The following HTR1E variants were observed in gnomAD, a reference collection of about 807,000 sequenced individuals.
The protein encoded by HTR1E is 5-hydroxytryptamine receptor 1E, also known as 5-HT-1E.
HTR1E carries 3 observed loss-of-function variants against 3.4 expected under a neutral mutation model. That is an observed-to-expected ratio of 0.89 (90% CI 0.41 to 2.31). The LOEUF is 2.31. Ranked by LOEUF, HTR1E falls within the 30% of genes most tolerant of loss-of-function variation. The pLI is 0.05. For missense variants in HTR1E, 392 were observed against 467.0 expected, an observed-to-expected ratio of 0.84 and a Z score of 1.48; for synonymous variants, 170 against 182.8, an observed-to-expected ratio of 0.93 and a Z score of 0.56.
Position 86,995,311 on chromosome 6 carries a change from T to G in HTR1E, c.-185-19839T>G, listed in dbSNP as rs1266460244. On this transcript the variant is annotated intron_variant, in intron 1 of 1. Coordinates refer to ENST00000305344, the MANE Select transcript of HTR1E (RefSeq NM_000865.3). ...ATAATATAATAAATAAATAAATAAATAAATAAATAAATAAAGGTCTACATA... is the reference window on the plus strand; with the variant it reads ...ATAATATAATAAATAAATAAATAAAGAAATAAATAAATAAAGGTCTACATA... 2.0e-5 allele frequency among the ~76,000 whole-genome samples: 3 copies of G among 148,540 alleles called. No homozygotes were observed. The Admixed American group carries it at 2.0e-4, about 10-fold the overall frequency.
intron 1 of HTR1E, among the ~76,000 whole-genome samples, chr6:86,969,920 C>T (rs1281073950): frequency 6.6e-6 from 1 of 152,148 alleles, no homozygotes; most frequent in Non-Finnish European, 1.5e-5. Flanking sequence ...CTTACAACAA[C>T]GGGGGTCTAC....
At chr6:86,955,312 T>C (rs1023258706) in intron 1 of HTR1E, among the ~76,000 whole-genome samples, 6 of 152,208 alleles carry the variant, frequency 3.9e-5, no homozygotes, top group Non-Finnish European at 8.8e-5. Flanking sequence ...GTATGTTTGT[T>C]ATCAGATCAA....
At chr6:86,999,407 T>C (rs1439939117) in intron 1 of HTR1E, among the ~76,000 whole-genome samples, 1 of 152,188 alleles carries the variant, frequency 6.6e-6, no homozygotes, top group East Asian at 1.9e-4. Context: ...TACACATGAA[T>C]AATTTATAAA....
At chr6:86,990,946 G>A (rs779456340) in intron 1 of HTR1E, among the ~76,000 whole-genome samples, 16 of 152,086 alleles carry the variant, frequency 1.1e-4, no homozygotes, top group Non-Finnish European at 4.4e-5. Flanking sequence ...CATGGCAAAT[G>A]CTACCTTAAC....
At chr6:86,996,422 A>G (rs751726531) in intron 1 of HTR1E, among the ~76,000 whole-genome samples, 4 of 152,138 alleles carry the variant, frequency 2.6e-5, no homozygotes, top group African/African-American at 9.6e-5. Flanking sequence ...AAAATCAATG[A>G]AAGGTTGTTT....
At chr6:86,976,021 C>T (rs1056419550) in intron 1 of HTR1E, among the ~76,000 whole-genome samples, 3 of 151,680 alleles carry the variant, frequency 2.0e-5, no homozygotes, top group Non-Finnish European at 2.9e-5. Context: ...GGATCAAAAT[C>T]GGCAAAGGAT....
chr6:87,014,556 C>G (rs1299723273), intron 1 of HTR1E, among the ~76,000 whole-genome samples: 1 of 152,106 alleles, frequency 6.6e-6, no homozygotes, highest in East Asian at 1.9e-4. Context: ...GGAACCAACC[C>G]AAATGCCCAT....
chr6:87,004,251 TATTCTGTGAAGC>T (rs1233065634), intron 1 of HTR1E, among the ~76,000 whole-genome samples: 9 of 152,278 alleles, frequency 5.9e-5, no homozygotes, highest in Non-Finnish European at 1.2e-4. Context: ...CTTCCACATT[TATTCTGTGAAGC>T]CAGTATTACC....
intron 1 of HTR1E, among the ~76,000 whole-genome samples, chr6:86,968,364 C>A (rs1767503951): frequency 6.6e-6 from 1 of 152,112 alleles, no homozygotes; most frequent in African/African-American, 2.4e-5. Flanking sequence ...AGTGTATGTG[C>A]CTTGGTAATT....
intron 1 of HTR1E, among the ~76,000 whole-genome samples, chr6:87,001,437 A>G (rs1768022321): frequency 6.6e-6 from 1 of 152,174 alleles, no homozygotes; most frequent in South Asian, 2.1e-4. Flanking sequence ...TTACTGAAAC[A>G]CCAGGGCTTC....
chr6:87,004,286 A>C (rs1052855362), intron 1 of HTR1E, among the ~76,000 whole-genome samples: 2 of 152,158 alleles, frequency 1.3e-5, no homozygotes, highest in African/African-American at 4.8e-5. Flanking sequence ...CCAGACAAAG[A>C]TATCAAAAAT....
In HTR1E at chr6:87,015,467, A is replaced by C; in HGVS notation, c.133A>C (p.Met45Leu). 2.5e-6 allele frequency: 4 copies of C among 1,614,018 alleles called. No individual in the cohort carries two copies. The highest frequency in any genetic ancestry group is 3.4e-6 in the Non-Finnish European group (4 of 1,179,980). ...CACGTTGCTGAACTTGGCTGTGATCATGGCTATTGGCACCACCAAGAAGCT... is the reference window on the plus strand; with the variant it reads ...CACGTTGCTGAACTTGGCTGTGATCCTGGCTATTGGCACCACCAAGAAGCT... ...LTTLLNLAVI[M>L]AIGTTKKLHQ... Residue 45 changes from methionine to leucine, a missense_variant, in exon 2 of 2, where the codon ATG becomes CTG. This residue lies in a region of HTR1E where 189 missense variants were observed against 258.0 expected (regional missense o/e 0.73). Coordinates refer to ENST00000305344, the MANE Select transcript of HTR1E (RefSeq NM_000865.3).
chr6:86,996,615 A>G (rs1442151742), intron 1 of HTR1E, among the ~76,000 whole-genome samples: 1 of 152,104 alleles, frequency 6.6e-6, no homozygotes, highest in Non-Finnish European at 1.5e-5. Flanking sequence ...ATAAGAGAAT[A>G]CTAAGGACAA....
chr6:86,967,414 A>C (rs1454688130), intron 1 of HTR1E, among the ~76,000 whole-genome samples: 2 of 152,140 alleles, frequency 1.3e-5, no homozygotes, highest in Non-Finnish European at 2.9e-5. Context: ...TTGCACCTTT[A>C]TTTAGTTAGG....
At chr6:86,941,611 A>C (rs961883640) in intron 1 of HTR1E, among the ~76,000 whole-genome samples, 4 of 152,226 alleles carry the variant, frequency 2.6e-5, no homozygotes, top group Admixed American at 6.5e-5. Context: ...ATCCTTCTGC[A>C]TCTGGATCAT....
chr6:86,939,235 C>A (rs1338639958), intron 1 of HTR1E, among the ~76,000 whole-genome samples: 1 of 152,198 alleles, frequency 6.6e-6, no homozygotes, highest in African/African-American at 2.4e-5. Flanking sequence ...AGCCTCCAGC[C>A]CACGGAGTTG....
chr6:86,980,931 C>A (rs1327464948), intron 1 of HTR1E, among the ~76,000 whole-genome samples: 1 of 152,112 alleles, frequency 6.6e-6, no homozygotes, highest in African/African-American at 2.4e-5. Context: ...AATTGACAGT[C>A]CGTGTGTACA....
In HTR1E at chr6:86,967,496, A is replaced by G. The variant is rs77579797; in HGVS notation, c.-186+29673A>G. 2.2e-3 allele frequency among the ~76,000 whole-genome samples: 336 copies of G among 152,328 alleles called. 1 individual carries two copies. Among genetic ancestry groups the G allele is most frequent in the Admixed American group, 4.1e-3 (63 of 15,298 alleles). ...GAAAGTATTATCAAGTAGTGCAATG[A>G]TCCATAAATAGCTATTATTATTATT... On this transcript the variant is annotated intron_variant, in intron 1 of 1. Coordinates refer to ENST00000305344, the MANE Select transcript of HTR1E (RefSeq NM_000865.3).
chr6:86,982,109 C>A (rs558421823), intron 1 of HTR1E, among the ~76,000 whole-genome samples: 77 of 152,336 alleles, frequency 5.1e-4, no homozygotes, highest in African/African-American at 1.8e-3. Context: ...CATAGCAGGG[C>A]AAGCAACACA....
Sources: allele counts gnomAD v4.1 joint callset (sites outside exome capture counted in the v4.1 genomes callset), GRCh38; gene constraint gnomAD v4.1.1; regional missense constraint gnomAD v4.1.1; transcripts MANE v1.5; gene names NCBI Gene and HGNC (gene_info 2026-07-23, HGNC 2026-07-21).